The following EXOC7 variants were observed in gnomAD, a reference collection of about 807,000 sequenced individuals.
The protein encoded by EXOC7 is exocyst complex component Exo70.
Under a neutral mutation model 87.6 loss-of-function variants are expected in EXOC7, and 51 were observed. The ratio of observed to expected loss-of-function variants is 0.58; its 90% CI spans 0.46 to 0.73. The LOEUF (loss-of-function observed/expected upper bound fraction) is 0.73. EXOC7 is among the 30% of genes least tolerant of loss of function. EXOC7 has a pLI of 0.00. For synonymous variants in EXOC7, 327 were observed against 357.1 expected, an observed-to-expected ratio of 0.92 and a Z score of 0.95; for missense variants, 744 against 888.4, an observed-to-expected ratio of 0.84 and a Z score of 2.07.
At position 76,088,566 on chromosome 17, in the gene EXOC7, A is replaced by G. The variant is rs1464861286; in HGVS notation, c.1201-4T>C. 1 of 1,612,354 alleles carries G rather than the reference A, an allele frequency of 6.2e-7. No homozygotes were observed. Among genetic ancestry groups the G allele is most frequent in the Non-Finnish European group, 8.5e-7 (1 of 1,179,334 alleles). On this transcript the variant is annotated splice_polypyrimidine_tract_variant and splice_region_variant and intron_variant, in intron 9 of 18. Coordinates refer to ENST00000589210, the MANE Select transcript of EXOC7 (RefSeq NM_001013839.4). ...TCTTTGTGCTGGCAGCCGTGCCCTG[A>G]GGAAGCACAGGGGAGCCCCCAGCTC...
At chr17:76,100,810 G>A (rs919265890) in intron 4 of EXOC7, among the ~76,000 whole-genome samples, 10 of 151,982 alleles carry the variant, frequency 6.6e-5, no homozygotes, top group African/African-American at 2.4e-4. Flanking sequence ...GCGAAACCCC[G>A]TCTCTACTAA....
Position 76,094,580 on chromosome 17 carries a change from A to G in EXOC7, c.642T>C (p.Asp214=), listed in dbSNP as rs1195547409. ...RWLVEYGRNQ[D]FMNVYYQIRS... is the part of the protein sequence containing the mutation. ...GTATCTGGTAGTAGACGTTCATGAA[A>G]TCTGAGGAGACACAGAGGGATAGAG... Residue 214 remains aspartate (D), a splice_region_variant and synonymous_variant, in exon 6 of 19, where the codon GAT becomes GAC. Coordinates refer to ENST00000589210, the MANE Select transcript of EXOC7 (RefSeq NM_001013839.4). 26 of 1,611,938 alleles carry G rather than the reference A, an allele frequency of 1.6e-5. No individual in the cohort carries two copies. Among genetic ancestry groups the G allele is most frequent in the Non-Finnish European group, 2.1e-5 (25 of 1,179,172 alleles).
intron 12 of EXOC7, among the ~76,000 whole-genome samples, chr17:76,086,526 C>T (rs1002285983): frequency 4.6e-5 from 7 of 152,184 alleles, no homozygotes; most frequent in Non-Finnish European, 8.8e-5. Context: ...CCACCTTCTC[C>T]CCTACATTCG....
chr17:76,084,332 C>T (rs768862053), intron 16 of EXOC7, 43 bp from the exon 17 acceptor site: 1 of 1,613,130 alleles, frequency 6.2e-7, no homozygotes, highest in African/African-American at 1.3e-5. Flanking sequence ...CACTTCAGAG[C>T]AGAGCAGCCT....
chr17:76,101,598 C>A, intron 3 of EXOC7, 81 bp downstream of exon 3: 1 of 1,505,238 alleles, frequency 6.6e-7, no homozygotes, highest in Non-Finnish European at 9.0e-7. Flanking sequence ...CTCAGCCTCC[C>A]AAATTGTTGG....
In EXOC7 at chr17:76,082,964, TGGCCCTGGGCCAAGA is replaced by T. The variant is rs1485309118; in HGVS notation, c.*669_*683del. 1 of 243,094 alleles carries T rather than the reference TGGCCCTGGGCCAAGA, an allele frequency of 4.1e-6. No individual in the cohort carries two copies. The highest frequency in any genetic ancestry group is 7.9e-6 in the Non-Finnish European group (1 of 126,810). The allele number at this position is 243,094 out of a possible 1,614,324, so 15.1% of individuals were successfully genotyped here. On this transcript the variant is annotated 3_prime_UTR_variant, in exon 19 of 19. Coordinates refer to ENST00000589210, the MANE Select transcript of EXOC7 (RefSeq NM_001013839.4). ...TGCTCCTTCTGCAACCACGACTGCC[TGGCCCTGGGCCAAGA>T]GGCACTGAGGCTGGGGGCCAGAGAC... is the stretch of plus-strand genomic sequence containing the variant.
In EXOC7 at chr17:76,103,333, C is replaced by T. The variant is rs201067843; in HGVS notation, c.126+28G>A. The T allele has an allele frequency of 1.2e-4, 182 of 1,567,398 alleles. 1 individual carries two copies. In the East Asian group the frequency reaches 3.2e-3, roughly 27 times the overall value. The stretch of plus-strand genomic sequence containing the variant: ...TCTCCCCCAGGGTCCGGAGGCCTGC[C>T]CTCTCCCCCAGCTGCGGGGAGACTC... On this transcript the variant is annotated intron_variant, in intron 2 of 18. Transcript: ENST00000589210.
rs1001113031 is a variant in EXOC7 at position 76,094,727 on chromosome 17, T to C, written c.641-146A>G. The C allele has an allele frequency of 5.8e-5, 42 of 728,982 alleles. No homozygotes were observed. The African/African-American group carries it at 7.3e-4, about 13-fold the overall frequency. The allele number at this position is 728,982 out of a possible 1,614,324, so 45.2% of individuals were successfully genotyped here. On this transcript the variant is annotated intron_variant, in intron 5 of 18. Transcript: ENST00000589210. ...CAAGCCACCCATATCTTGTCCCAAA[T>C]CAGGCAAAGTCTTTCAAAGTCTTTT...
chr17:76,081,555 A>C lies in EXOC7; in HGVS notation c.*2093T>G. On this transcript the variant is annotated 3_prime_UTR_variant, in exon 19 of 19. Transcript: ENST00000589210. The stretch of plus-strand genomic sequence containing the variant: ...CTTTTCCCCTTCCAGCTGAGGCTGA[A>C]GAACACGGCGCTCAAGTCCATCATC... 6.2e-7 allele frequency: 1 copy of C among 1,613,556 alleles called. No individual in the cohort carries two copies. Among genetic ancestry groups the C allele is most frequent in the East Asian group, 2.2e-5 (1 of 44,882 alleles).
chr17:76,081,488 CCCCGATGCCCA>C lies in EXOC7; in HGVS notation c.*2149_*2159del. On this transcript the variant is annotated 3_prime_UTR_variant, in exon 19 of 19. Coordinates refer to ENST00000589210, the MANE Select transcript of EXOC7 (RefSeq NM_001013839.4). ...CACGGCCAGAGGCCAGGCCCCATGC[CCCCGATGCCCA>C]CCTCCTTCCCCCCCGCCGGGAAGGC... 1 of 1,610,140 alleles carries C rather than the reference CCCCGATGCCCA, an allele frequency of 6.2e-7. No homozygotes were observed. The highest frequency in any genetic ancestry group is 8.5e-7 in the Non-Finnish European group (1 of 1,178,440).
rs769415015 is a variant in EXOC7, at chr17:76,084,441, C to T, written c.1776+76G>A. On this transcript the variant is annotated intron_variant, in intron 16 of 18. Transcript: ENST00000589210. ...TCTCTGATCCCAGAGGGATGCTTGTCCACTTTTTCCCAGAGACACGACAAA... is the reference window on the plus strand; with the variant it reads ...TCTCTGATCCCAGAGGGATGCTTGTTCACTTTTTCCCAGAGACACGACAAA... 5 of 1,573,484 alleles carry T rather than the reference C, an allele frequency of 3.2e-6. No homozygotes were observed. In the East Asian group the frequency reaches 1.1e-4, roughly 35 times the overall value.
Position 76,082,796 on chromosome 17 carries a change from C to T in EXOC7, c.*852G>A, listed in dbSNP as rs1321745275. Reference sequence around the variant, plus strand: ...AGCACAGAGCGTGAAATAAACCCATCTCCAGTGCAAGTGTGCCTCAAGGGT... The same window carrying T: ...AGCACAGAGCGTGAAATAAACCCATTTCCAGTGCAAGTGTGCCTCAAGGGT... On this transcript the variant is annotated 3_prime_UTR_variant, in exon 19 of 19. Coordinates refer to ENST00000589210, the MANE Select transcript of EXOC7 (RefSeq NM_001013839.4). 2.6e-6 allele frequency: 2 copies of T among 768,458 alleles called. No homozygotes were observed. The highest frequency in any genetic ancestry group is 2.6e-5 in the South Asian group (1 of 38,452). 47.6% of individuals were successfully genotyped at this position (768,458 alleles called of 1,614,324 possible).
At chr17:76,101,053 T>C in intron 4 of EXOC7, 2 of 768,314 alleles carry the variant, frequency 2.6e-6, no homozygotes, top group Middle Eastern at 5.0e-4. Context: ...TATAATTTAA[T>C]TTTTATAATA....
chr17:76,094,356 C>T, intron 6 of EXOC7, 58 bp downstream of exon 6: 1 of 1,546,850 alleles, frequency 6.5e-7, no homozygotes, highest in South Asian at 1.2e-5. Flanking sequence ...TGGACTAAAG[C>T]AGTACAGTCC....
At chr17:76,090,871 T>G in intron 7 of EXOC7, 1 of 541,152 alleles carries the variant, frequency 1.8e-6, no homozygotes, top group Non-Finnish European at 3.3e-6. Context: ...TAACTTTTTC[T>G]GAGTTCACAC....
intron 5 of EXOC7, among the ~76,000 whole-genome samples, chr17:76,096,399 C>T (rs1231836191): frequency 1.3e-5 from 2 of 151,548 alleles, no homozygotes; most frequent in Non-Finnish European, 2.9e-5. Flanking sequence ...CCTGTAACCC[C>T]AGCTACTTGG....
In EXOC7 at chr17:76,086,151, AGAG is replaced by A. The variant is rs747425898; in HGVS notation, c.1430-9_1430-7del. 23 of 1,613,266 alleles carry A rather than the reference AGAG, an allele frequency of 1.4e-5. No homozygotes were observed. Among genetic ancestry groups the A allele is most frequent in the South Asian group, 2.2e-5 (2 of 91,002 alleles). ...GGTGGCCGAAGAGCTGGTCTCTGTG[AGAG>A]GAGAAGTCCTGTTATTGCAGTGGCA... On this transcript the variant is annotated splice_region_variant and splice_polypyrimidine_tract_variant and intron_variant, in intron 12 of 18. Transcript: ENST00000589210.
chr17:76,094,987 G>T (rs2144664999), intron 5 of EXOC7, among the ~76,000 whole-genome samples: 1 of 150,582 alleles, frequency 6.6e-6, no homozygotes, highest in Non-Finnish European at 1.5e-5. Flanking sequence ...TTGAGACAAG[G>T]TCTTACTCTG....
At chr17:76,088,635 C>A in intron 9 of EXOC7, 73 bp from the exon 10 acceptor site, 2 of 1,596,886 alleles carry the variant, frequency 1.3e-6, no homozygotes, top group Non-Finnish European at 1.7e-6. Context: ...CAGGGCCCTT[C>A]CTAAGCTGCT....
Sources: gnomAD v4.1 joint callset for allele counts (sites outside exome capture counted in the v4.1 genomes callset) on GRCh38, gnomAD v4.1.1 for gene constraint, MANE v1.5 for transcripts, NCBI Gene and HGNC (gene_info 2026-07-23, HGNC 2026-07-21) for gene names.